FER1L6: variants seen among roughly 807,000 people sequenced by gnomAD.
FER1L6 encodes the protein fer-1 like family member 6, also known as fer-1-like protein 6.
FER1L6 carries 177 observed loss-of-function variants against 219.2 expected under a neutral mutation model. That is an observed-to-expected ratio of 0.81 (90% confidence interval 0.71 to 0.91). The LOEUF (loss-of-function observed/expected upper bound fraction) is 0.91, where lower values mean the gene tolerates loss of function less well. Ranked by LOEUF, FER1L6 falls within the 40% of genes least tolerant of loss-of-function variation. FER1L6 has a pLI of 0.00. For missense variants in FER1L6, 2,153 were observed against 2,259.9 expected (o/e 0.95, Z 0.96); for synonymous variants, 768 against 824.3 (o/e 0.93, Z 1.17).
intron 29 of FER1L6, 96 bp from the exon 30 acceptor site, chr8:124,070,371 A>G (rs1306782682): frequency 7.2e-7 from 1 of 1,386,006 alleles, no homozygotes; most frequent in African/African-American, 1.5e-5. Flanking sequence ...CAAGGGGCAT[A>G]TATCAAGGCT....
intron 21 of FER1L6, among the ~76,000 whole-genome samples, chr8:124,047,204 G>A (rs1257627524): frequency 1.3e-5 from 2 of 152,160 alleles, no homozygotes; most frequent in South Asian, 2.1e-4. Context: ...TGCAGGGCAG[G>A]GTACCATTGT....
intron 34 of FER1L6, among the ~76,000 whole-genome samples, chr8:124,093,298 A>G (rs574334576): frequency 1.3e-5 from 2 of 152,138 alleles, no homozygotes; most frequent in African/African-American, 4.8e-5. Flanking sequence ...AGGCAGGGAC[A>G]CAGACCCAAA....
intron 25 of FER1L6, among the ~76,000 whole-genome samples, chr8:124,064,119 T>G (rs2130841551): frequency 6.6e-6 from 1 of 152,300 alleles, no homozygotes; most frequent in South Asian, 2.1e-4. Context: ...ATACAACCAT[T>G]TATTGATGAC....
At chr8:123,912,200 T>C (rs977603788) in intron 1 of FER1L6, among the ~76,000 whole-genome samples, 15 of 152,132 alleles carry the variant, frequency 9.9e-5, no homozygotes, top group Admixed American at 5.9e-4. Context: ...ACAATTAAAC[T>C]GCAAGTTAGC....
chr8:124,059,920 C>T (rs1190601182), intron 22 of FER1L6, among the ~76,000 whole-genome samples: 1 of 152,180 alleles, frequency 6.6e-6, no homozygotes, highest in Non-Finnish European at 1.5e-5. Flanking sequence ...TCTCTCTCCC[C>T]TCTATACTGT....
chr8:123,923,207 A>G (rs953902321), intron 1 of FER1L6, among the ~76,000 whole-genome samples: 6 of 152,244 alleles, frequency 3.9e-5, no homozygotes, highest in African/African-American at 1.4e-4. Context: ...AGACAGCAAG[A>G]TGCTGATGGA....
chr8:124,101,347 G>A lies in FER1L6; in HGVS notation c.5125+9G>A. 1 of 1,610,214 alleles carries A rather than the reference G, an allele frequency of 6.2e-7. No individual in the cohort carries two copies. Among genetic ancestry groups the A allele is most frequent in the South Asian group, 1.1e-5 (1 of 90,954 alleles). On this transcript the variant is annotated intron_variant, in intron 38 of 40. Transcript: ENST00000522917. Reference sequence around the variant, plus strand: ...CTCAGATGACTTCCTGGGTAAGCCAGTGGCTTCATCAAGCACATATTAATG... The same window carrying A: ...CTCAGATGACTTCCTGGGTAAGCCAATGGCTTCATCAAGCACATATTAATG...
chr8:123,948,753 T>C (rs560531403), intron 1 of FER1L6, among the ~76,000 whole-genome samples: 3 of 151,640 alleles, frequency 2.0e-5, no homozygotes, highest in South Asian at 4.2e-4. Context: ...CAGTGTTAAA[T>C]AGACGGGAAA....
chr8:123,938,151 TGAGGAG>T (rs1814079124), intron 1 of FER1L6, among the ~76,000 whole-genome samples: 1 of 152,238 alleles, frequency 6.6e-6, no homozygotes, highest in Non-Finnish European at 1.5e-5. Context: ...AAGGAAAACC[TGAGGAG>T]GCTCAGTTTA....
At chr8:124,046,221 C>T (rs548588464) in intron 21 of FER1L6, 1 of 205,458 alleles carries the variant, frequency 4.9e-6, no homozygotes, top group Non-Finnish European at 9.8e-6. Context: ...TGTACCCAGC[C>T]TCCAGCTAAT....
chr8:124,083,980 C>G (rs946798942), intron 33 of FER1L6, among the ~76,000 whole-genome samples: 1 of 152,006 alleles, frequency 6.6e-6, no homozygotes, highest in African/African-American at 2.4e-5. Context: ...TTGTAGAGAT[C>G]TTTTCTCTCT....
At chr8:124,003,829 T>C (rs1817535234) in intron 13 of FER1L6, among the ~76,000 whole-genome samples, 1 of 152,138 alleles carries the variant, frequency 6.6e-6, no homozygotes, top group Non-Finnish European at 1.5e-5. Context: ...AGAAGGTAAG[T>C]ACCACTCAAC....
intron 1 of FER1L6, among the ~76,000 whole-genome samples, chr8:123,896,131 TC>T (rs898501372): frequency 4.6e-5 from 7 of 152,200 alleles, no homozygotes; most frequent in Middle Eastern, 3.4e-3. Context: ...CATGGCCTTG[TC>T]CCAGGAGGTA....
rs149677078 is a variant in FER1L6 at position 123,969,529 on chromosome 8, T to A, written c.385-506T>A. 6.3e-3 allele frequency among the ~76,000 whole-genome samples: 955 copies of A among 152,190 alleles called. 14 individuals are homozygous for A. Among genetic ancestry groups the A allele is most frequent in the African/African-American group, 0.022 (923 of 41,512 alleles). Reference sequence around the variant, plus strand: ...ATAAAATTCCCATTTGGGGAAAAAATTTATACTATCTATTCAAAAGTTATA... The same window carrying A: ...ATAAAATTCCCATTTGGGGAAAAAAATTATACTATCTATTCAAAAGTTATA... On this transcript the variant is annotated intron_variant, in intron 5 of 40. Coordinates refer to ENST00000522917, the MANE Select transcript of FER1L6 (RefSeq NM_001039112.2).
chr8:124,097,853 G>T lies in FER1L6; in HGVS notation c.4853G>T (p.Gly1618Val), dbSNP rs868860272. Residue 1618 changes from glycine to valine, a missense_variant, in exon 37 of 41, where the codon GGC (glycine) becomes GTC (valine). Coordinates refer to ENST00000522917, the MANE Select transcript of FER1L6 (RefSeq NM_001039112.2). ...VILEDENIFT[G>V]QKSSDIYVKG... ...TTAGAGGATGAGAATATCTTCACAG[G>T]CCAAAAATCAAGTGATATTTATGTG... 6.3e-7 allele frequency: 1 copy of T among 1,599,266 alleles called. No homozygotes were observed. Among genetic ancestry groups the T allele is most frequent in the African/African-American group, 1.3e-5 (1 of 74,666 alleles).
chr8:124,049,697 C>T lies in FER1L6; in HGVS notation c.2815C>T (p.Pro939Ser). Reference protein sequence around the residue: ...DYEPPRLCYHPIFCGNLSGGD... With the variant: ...DYEPPRLCYHSIFCGNLSGGD... ...TGAGCCCCCCAGGTTATGCTATCAC[C>T]CCATCTTTTGTGGGAATCTCTCTGG... is the stretch of plus-strand genomic sequence containing the variant. The change falls in exon 22 of 41, where the codon CCC becomes TCC. Residue 939 changes from proline (P) to serine (S), a missense_variant. Coordinates refer to ENST00000522917, the MANE Select transcript of FER1L6 (RefSeq NM_001039112.2). 1 of 1,614,030 alleles carries T rather than the reference C, an allele frequency of 6.2e-7. No homozygotes were observed. The highest frequency in any genetic ancestry group is 8.5e-7 in the Non-Finnish European group (1 of 1,179,986).
chr8:123,948,070 G>C (rs913862282), intron 1 of FER1L6, among the ~76,000 whole-genome samples: 1 of 152,224 alleles, frequency 6.6e-6, no homozygotes, highest in Non-Finnish European at 1.5e-5. Context: ...ATTCATAATA[G>C]GTTGAGCTGG....
intron 32 of FER1L6, among the ~76,000 whole-genome samples, chr8:124,081,449 A>G (rs755757098): frequency 1.3e-5 from 2 of 152,012 alleles, no homozygotes; most frequent in Non-Finnish European, 2.9e-5. Flanking sequence ...CTGATTGATG[A>G]TCTTGGGCAA....
chr8:124,117,132 T>C (rs934543307), intron 39 of FER1L6, among the ~76,000 whole-genome samples: 2 of 152,124 alleles, frequency 1.3e-5, no homozygotes, highest in African/African-American at 4.8e-5. Context: ...GGAAAGAGTA[T>C]GAGCTTTGGT....
Sources: allele counts gnomAD v4.1 joint callset (sites outside exome capture counted in the v4.1 genomes callset), GRCh38; gene constraint gnomAD v4.1.1; transcripts MANE v1.5; gene names NCBI Gene and HGNC (gene_info 2026-07-23, HGNC 2026-07-21).